Variants in RSU1 observed in about 807,000 individuals in gnomAD.
RSU1 encodes the protein Ras suppressor protein 1, also known as rsu-1.
A neutral mutation model predicts 31.1 loss-of-function variants in RSU1; 26 were observed. That is an observed-to-expected ratio of 0.84 (90% CI 0.61 to 1.16). RSU1 has a LOEUF of 1.16. Among genes scored for constraint, RSU1 ranks in the 50% most tolerant of loss-of-function variants. The pLI is 0.00. For missense variants in RSU1, 320 were observed against 339.1 expected (o/e 0.94, Z 0.44); for synonymous variants, 164 against 136.3 (o/e 1.20, Z -1.41).
intron 8 of RSU1, among the ~76,000 whole-genome samples, chr10:16,634,780 G>A (rs1379428498): frequency 6.6e-6 from 1 of 152,192 alleles, no homozygotes; most frequent in Admixed American, 6.5e-5. Flanking sequence ...TTGAGTCCAT[G>A]GATGTTCGGT....
chr10:16,703,967 T>C (rs1298812738), intron 7 of RSU1, among the ~76,000 whole-genome samples: 1 of 147,826 alleles, frequency 6.8e-6, no homozygotes, highest in East Asian at 2.0e-4. Context: ...TCAGAGTTTT[T>C]AGTTTCATAG....
At chr10:16,749,598 G>A (rs1226786430) in intron 7 of RSU1, among the ~76,000 whole-genome samples, 1 of 152,090 alleles carries the variant, frequency 6.6e-6, no homozygotes, top group Non-Finnish European at 1.5e-5. Flanking sequence ...GCATCCAGAT[G>A]GTCACCTCAG....
intron 8 of RSU1, among the ~76,000 whole-genome samples, chr10:16,692,822 C>T (rs1309425646): frequency 6.6e-6 from 1 of 152,032 alleles, no homozygotes; most frequent in African/African-American, 2.4e-5. Flanking sequence ...CTCATTTTAT[C>T]CTTAAGGTAA....
At chr10:16,687,080 A>G (rs1371465822) in intron 8 of RSU1, among the ~76,000 whole-genome samples, 1 of 152,222 alleles carries the variant, frequency 6.6e-6, no homozygotes, top group Non-Finnish European at 1.5e-5. Context: ...AGTAGTGAAG[A>G]AAGCAACGTG....
intron 3 of RSU1, among the ~76,000 whole-genome samples, chr10:16,765,282 A>T (rs1837291297): frequency 6.6e-6 from 1 of 152,116 alleles, no homozygotes; most frequent in Non-Finnish European, 1.5e-5. Context: ...TGAAATATTC[A>T]CCCTCCCTAG....
intron 3 of RSU1, among the ~76,000 whole-genome samples, chr10:16,765,350 A>C (rs1221740812): frequency 6.6e-6 from 1 of 152,214 alleles, no homozygotes; most frequent in African/African-American, 2.4e-5. Flanking sequence ...ACACACATAC[A>C]TACATATACA....
At chr10:16,603,983 C>T (rs576462959) in intron 8 of RSU1, among the ~76,000 whole-genome samples, 2 of 152,248 alleles carry the variant, frequency 1.3e-5, no homozygotes, top group Admixed American at 6.5e-5. Context: ...GCTCTCAGAA[C>T]CTAAATAGTA....
intron 2 of RSU1, among the ~76,000 whole-genome samples, chr10:16,812,314 C>A (rs1178020785): frequency 6.6e-6 from 1 of 152,126 alleles, no homozygotes. Context: ...TGGTGGCGCA[C>A]GCCTGTAACC....
chr10:16,785,406 C>A (rs993046605), intron 2 of RSU1, among the ~76,000 whole-genome samples: 4 of 85,310 alleles, frequency 4.7e-5, no homozygotes, highest in South Asian at 6.6e-4. Context: ...CTCTATCTTT[C>A]TATATATATA....
At chr10:16,637,552 G>A (rs758403975) in intron 8 of RSU1, among the ~76,000 whole-genome samples, 5 of 151,894 alleles carry the variant, frequency 3.3e-5, no homozygotes, top group East Asian at 1.9e-4. Flanking sequence ...ATCCTTAGGC[G>A]GGGATGATCT....
intron 7 of RSU1, among the ~76,000 whole-genome samples, chr10:16,731,157 G>C (rs187910105): frequency 1.4e-4 from 22 of 152,194 alleles, no homozygotes; most frequent in African/African-American, 4.3e-4. Flanking sequence ...GTATTCTCGT[G>C]TCATTTTATG....
At chr10:16,692,238 C>G (rs1187443306) in intron 8 of RSU1, among the ~76,000 whole-genome samples, 1 of 152,134 alleles carries the variant, frequency 6.6e-6, no homozygotes, top group Non-Finnish European at 1.5e-5. Flanking sequence ...TCTCATTTAT[C>G]CAGAATCCTA....
At chr10:16,679,849 C>T (rs1484988337) in intron 8 of RSU1, among the ~76,000 whole-genome samples, 2 of 147,898 alleles carry the variant, frequency 1.4e-5, no homozygotes, top group Admixed American at 6.8e-5. Context: ...CTCCCCTCAT[C>T]TGGCACAATA....
At chr10:16,632,884 G>T (rs1343915609) in intron 8 of RSU1, among the ~76,000 whole-genome samples, 1 of 152,180 alleles carries the variant, frequency 6.6e-6, no homozygotes, top group Non-Finnish European at 1.5e-5. Context: ...GGCAGAGGTT[G>T]CAGTGAGCCA....
At chr10:16,704,688 T>C (rs1353431507) in intron 7 of RSU1, among the ~76,000 whole-genome samples, 1 of 152,250 alleles carries the variant, frequency 6.6e-6, no homozygotes, top group Non-Finnish European at 1.5e-5. Flanking sequence ...CCTGCAGAAA[T>C]TTTATTTTTA....
chr10:16,723,692 G>A (rs918856162), intron 7 of RSU1, among the ~76,000 whole-genome samples: 1 of 152,144 alleles, frequency 6.6e-6, no homozygotes, highest in African/African-American at 2.4e-5. Flanking sequence ...CAGATGGCTT[G>A]GCAGGTGTCA....
intron 5 of RSU1, among the ~76,000 whole-genome samples, chr10:16,753,991 C>T (rs1044662997): frequency 6.6e-6 from 1 of 152,060 alleles, no homozygotes; most frequent in Non-Finnish European, 1.5e-5. Flanking sequence ...GAACTCCTAG[C>T]CTCAAGTGAT....
intron 2 of RSU1, among the ~76,000 whole-genome samples, chr10:16,789,304 G>C (rs1352741545): frequency 6.6e-6 from 1 of 152,156 alleles, no homozygotes; most frequent in Admixed American, 6.5e-5. Context: ...TCTTGCCACA[G>C]GACCACATGG....
chr10:16,609,457 A>G (rs942209113), intron 8 of RSU1, among the ~76,000 whole-genome samples: 1 of 152,206 alleles, frequency 6.6e-6, no homozygotes, highest in Non-Finnish European at 1.5e-5. Flanking sequence ...CTCACCCACA[A>G]AACACCCCTG....
Sources: gnomAD v4.1 joint callset for allele counts (sites outside exome capture counted in the v4.1 genomes callset) on GRCh38, gnomAD v4.1.1 for gene constraint, MANE v1.5 for transcripts, NCBI Gene and HGNC (gene_info 2026-07-23, HGNC 2026-07-21) for gene names.